The following RILPL2 variants were observed in gnomAD, a reference collection of about 807,000 sequenced individuals.
RILPL2 encodes RILP-like protein 2.
Under a neutral mutation model 22.2 loss-of-function variants are expected in RILPL2, and 19 were observed. The ratio of observed to expected loss-of-function variants is 0.86; its 90% CI spans 0.60 to 1.25. RILPL2 has a LOEUF of 1.25. Ranked by LOEUF, RILPL2 falls within the 50% of genes most tolerant of loss-of-function variation. The pLI is 0.00. For synonymous variants in RILPL2, 123 were observed against 111.6 expected (o/e 1.10, Z -0.64); for missense variants, 243 against 263.6 (o/e 0.92, Z 0.54).
rs929870091 is a variant in RILPL2 at position 123,436,008 on chromosome 12, C to T, written c.339+74G>A. 8 of 1,486,064 alleles carry T rather than the reference C, an allele frequency of 5.4e-6. No individual in the cohort carries two copies. In the African/African-American group the frequency reaches 8.5e-5, roughly 16 times the overall value. The allele number at this position is 1,486,064 out of a possible 1,614,324, so 92.1% of individuals were successfully genotyped here. On this transcript the variant is annotated intron_variant, in intron 1 of 3. Coordinates refer to ENST00000280571, the MANE Select transcript of RILPL2 (RefSeq NM_145058.3). The surrounding 1 kb of genome is among the most constrained non-coding windows in gnomAD (Gnocchi z 6.7). ...AAGAGAAGAGAAAAGAAAAGGAAGG[C>T]GTCTCCCTGCCAGTAGGTGCCCTCC...
chr12:123,426,835 C>G (rs949780313), intron 2 of RILPL2, among the ~76,000 whole-genome samples: 1 of 152,064 alleles, frequency 6.6e-6, no homozygotes, highest in African/African-American at 2.4e-5. Flanking sequence ...ATCTCCTGAC[C>G]TCGTGATCTG....
chr12:123,435,314 A>G (rs1409526313), intron 1 of RILPL2, among the ~76,000 whole-genome samples: 1 of 152,154 alleles, frequency 6.6e-6, no homozygotes, highest in Non-Finnish European at 1.5e-5. Context: ...AGTATTCCAT[A>G]TATCACAATT....
At chr12:123,435,225 CT>C (rs1372792815) in intron 1 of RILPL2, among the ~76,000 whole-genome samples, 1 of 151,878 alleles carries the variant, frequency 6.6e-6, no homozygotes, top group African/African-American at 2.4e-5. Context: ...TGCCTGGCTT[CT>C]TTCTCTCAAT....
chr12:123,423,251 G>C (rs1279549049), intron 2 of RILPL2, 94 bp from the exon 3 acceptor site: 1 of 792,886 alleles, frequency 1.3e-6, no homozygotes. Context: ...GCCCAGGCTA[G>C]AGTGCAGTGG....
rs200172526 is a variant in RILPL2, at chr12:123,430,572, G to A, written c.427C>T (p.Gln143Ter). 6.2e-7 allele frequency: 1 copy of A among 1,613,254 alleles called. No individual in the cohort carries two copies. Among genetic ancestry groups the A allele is most frequent in the East Asian group, 2.2e-5 (1 of 44,832 alleles). Residue 143 changes from glutamine to a stop codon, truncating the protein, a stop_gained, in exon 2 of 4, where the codon CAG (glutamine) becomes TAG (stop). Transcript: ENST00000280571. LOFTEE classifies it high-confidence loss of function. ...TGCGACTTGAGTTTGTTGCGTTCCT[G>A]CAGCACATCCCTTAGCTCCTGCAGA... ...FTLQELRDVL[Q>*]ERNKLKSQLL...
chr12:123,411,275 T>C (rs1436946101), downstream of RILPL2: 1 of 152,068 alleles, frequency 6.6e-6, no homozygotes, highest in Non-Finnish European at 1.5e-5. Flanking sequence ...GACCTCGTGA[T>C]CTGCCCATCT....
At chr12:123,410,226 C>T (rs943756792), downstream of RILPL2, among the ~76,000 whole-genome samples, 1 of 152,130 alleles carries the variant, frequency 6.6e-6, no homozygotes, top group African/African-American at 2.4e-5. Flanking sequence ...ATTGTCATTG[C>T]GACTTATAAT....
chr12:123,427,358 C>T (rs917144558), intron 2 of RILPL2, among the ~76,000 whole-genome samples: 4 of 152,112 alleles, frequency 2.6e-5, no homozygotes, highest in African/African-American at 9.7e-5. Context: ...AGAGGCCTAA[C>T]AGCGTCACTT....
chr12:123,418,062 C>A (rs1399847369), intron 3 of RILPL2, among the ~76,000 whole-genome samples: 1 of 152,108 alleles, frequency 6.6e-6, no homozygotes, highest in East Asian at 1.9e-4. Flanking sequence ...TCCCAAGTAG[C>A]TGGAACTACA....
At chr12:123,416,645 CA>C (rs1879127779) in intron 3 of RILPL2, among the ~76,000 whole-genome samples, 1 of 151,902 alleles carries the variant, frequency 6.6e-6, no homozygotes. Flanking sequence ...GTCTCAAAAA[CA>C]AAAACAAAAA....
downstream of RILPL2, chr12:123,413,609 CAAAGAACA>C (rs1455150199): frequency 1.3e-5 from 2 of 152,226 alleles, no homozygotes; most frequent in African/African-American, 2.4e-5. Flanking sequence ...AGATTTATTG[CAAAGAACA>C]AAAGAACAAA....
intron 3 of RILPL2, among the ~76,000 whole-genome samples, chr12:123,417,732 T>C (rs928684647): frequency 2.0e-5 from 3 of 152,198 alleles, no homozygotes; most frequent in African/African-American, 7.2e-5. Context: ...ATTACAGGCA[T>C]GCGCCACCAC....
chr12:123,420,736 C>T (rs931283200), intron 3 of RILPL2, among the ~76,000 whole-genome samples: 21 of 152,258 alleles, frequency 1.4e-4, no homozygotes, highest in African/African-American at 4.8e-4. Flanking sequence ...TGCGCCCGGT[C>T]GAGTTTGACT....
At chr12:123,413,489 CCTCCTGGTGGG>C (rs1454541494), downstream of RILPL2, 2 of 153,968 alleles carry the variant, frequency 1.3e-5, no homozygotes, top group Non-Finnish European at 2.9e-5. Context: ...GTTGCTCGTT[CCTCCTGGTGGG>C]CTCCTGGTCT....
chr12:123,417,972 C>T (rs1180373548), intron 3 of RILPL2, among the ~76,000 whole-genome samples: 1 of 152,170 alleles, frequency 6.6e-6, no homozygotes, highest in African/African-American at 2.4e-5. Context: ...GAGACGGGAT[C>T]TTGCTCTGTC....
chr12:123,413,025 CGT>C (rs1879014983), downstream of RILPL2: 2 of 152,022 alleles, frequency 1.3e-5, no homozygotes, highest in Non-Finnish European at 2.9e-5. Context: ...GGTGAAACCC[CGT>C]CTCTACAAAA....
At chr12:123,430,208 G>A (rs552502137) in intron 2 of RILPL2, among the ~76,000 whole-genome samples, 1 of 148,378 alleles carries the variant, frequency 6.7e-6, no homozygotes, top group African/African-American at 2.5e-5. Flanking sequence ...AGGAGATCGA[G>A]ACCATTCTGC....
At chr12:123,417,531 A>G (rs1253254633) in intron 3 of RILPL2, among the ~76,000 whole-genome samples, 1 of 151,892 alleles carries the variant, frequency 6.6e-6, no homozygotes, top group Non-Finnish European at 1.5e-5. Context: ...CCACCTCTCC[A>G]ATCCCACCTC....
chr12:123,412,383 C>T (rs886729086), downstream of RILPL2: 2 of 152,320 alleles, frequency 1.3e-5, no homozygotes, highest in African/African-American at 2.4e-5. Flanking sequence ...TCAAGCAATC[C>T]TCTCACCTTG....
Sources: gnomAD v4.1 joint callset for allele counts (sites outside exome capture counted in the v4.1 genomes callset) on GRCh38, gnomAD v4.1.1 for gene constraint, Gnocchi (gnomAD v3.1) non-coding constraint, MANE v1.5 for transcripts, NCBI Gene and HGNC (gene_info 2026-07-23, HGNC 2026-07-21) for gene names.